Variants in RAPH1 observed in about 807,000 individuals in gnomAD.
RAPH1 encodes ras-associated and pleckstrin homology domains-containing protein 1.
Under a neutral mutation model 88.1 loss-of-function variants are expected in RAPH1, and 18 were observed. That is an observed-to-expected ratio of 0.20 (90% CI 0.14 to 0.30). The LOEUF (loss-of-function observed/expected upper bound fraction) is 0.30. RAPH1 is among the 10% of genes least tolerant of loss of function. The probability of loss-of-function intolerance (pLI) is 1.00; values close to 1 mark genes in which losing one functional copy is unlikely to be tolerated. For missense variants in RAPH1, 1,448 were observed against 1,543.2 expected (o/e 0.94, Z 1.03); for synonymous variants, 587 against 559.0 (o/e 1.05, Z -0.71).
intron 1 of RAPH1, among the ~76,000 whole-genome samples, chr2:203,520,621 C>A (rs1291218837): frequency 1.3e-5 from 2 of 150,626 alleles, no homozygotes; most frequent in African/African-American, 4.9e-5. Context: ...GAGTGAAGCT[C>A]TGTCTCAAAA....
intron 4 of RAPH1, among the ~76,000 whole-genome samples, chr2:203,483,996 C>T (rs190549133): frequency 4.6e-5 from 7 of 152,254 alleles, no homozygotes; most frequent in Admixed American, 1.3e-4. Flanking sequence ...CTCCAGCTTG[C>T]AGACAGCCTG....
Position 203,440,818 on chromosome 2 carries a change from G to A in RAPH1, c.2372C>T (p.Thr791Ile). The A allele has an allele frequency of 6.3e-7, 1 of 1,599,716 alleles. No individual in the cohort carries two copies. Among genetic ancestry groups the A allele is most frequent in the Non-Finnish European group, 8.5e-7 (1 of 1,173,914 alleles). ...PLVTIPAPTSTKTVAPVVTQA... is the reference protein window; with the variant it reads ...PLVTIPAPTSIKTVAPVVTQA... ...AGTCACAACAGGTGCCACAGTCTTG[G>A]TGCTGGTTGGTGCGGGGATGGTCAC... is the stretch of plus-strand genomic sequence containing the variant. Residue 791 changes from threonine to isoleucine, a missense_variant, in exon 14 of 14, where the codon ACC becomes ATC. Transcript: ENST00000319170.
rs1306310789 is a variant in RAPH1 at position 203,506,806 on chromosome 2, C to CTATATCTA, written c.1-11461_1-11454dup. ...TAGATATATATATCTATATATATAT[C>CTATATCTA]TATATCTATATATCTATATATATAT... On this transcript the variant is annotated intron_variant, in intron 1 of 13. Coordinates refer to ENST00000319170, the MANE Select transcript of RAPH1 (RefSeq NM_213589.3). Among the ~76,000 whole-genome samples the CTATATCTA allele has an allele frequency of 8.8e-5, 8 of 90,542 alleles. No homozygotes were observed. In the East Asian group the frequency reaches 1.5e-3, roughly 17 times the overall value. 59.4% of individuals were successfully genotyped at this position (90,542 alleles called of 152,430 possible).
intron 4 of RAPH1, among the ~76,000 whole-genome samples, chr2:203,477,969 T>C (rs148645269): frequency 7.5e-4 from 114 of 152,216 alleles, no homozygotes; most frequent in Middle Eastern, 3.4e-3. Context: ...ATTTCTTCCC[T>C]AAAGCCTTCA....
Position 203,438,427 on chromosome 2 carries a change from ATACCAAT to A in RAPH1, c.*1003_*1009del. The A allele has an allele frequency of 3.1e-6, 1 of 326,110 alleles. No individual in the cohort carries two copies. Among genetic ancestry groups the A allele is most frequent in the South Asian group, 2.5e-5 (1 of 39,770 alleles). The allele number at this position is 326,110 out of a possible 1,614,324, so 20.2% of individuals were successfully genotyped here. A position where few individuals can be genotyped will look rare whatever the true frequency, so the allele number is the denominator to read the frequency against. On this transcript the variant is annotated 3_prime_UTR_variant, in exon 14 of 14. Coordinates refer to ENST00000319170, the MANE Select transcript of RAPH1 (RefSeq NM_213589.3). ...GGGGCACAGGATGTGTATATTTCAT[ATACCAAT>A]TGTCTACAGATATGTAATAACACCT...
rs2098502315 is a variant in RAPH1 at position 203,440,295 on chromosome 2, G to A, written c.2895C>T (p.Ser965=). ...TTGGGGGTGGTTTCTTTCCCCCAGG[G>A]CTGGACGTCTTACTGGTCTTTTTGC... is the stretch of plus-strand genomic sequence containing the variant. ...SPGKKTSKTS[S]PGGKKPPPTP... is the part of the protein sequence containing the mutation. Residue 965 remains serine, a synonymous_variant, in exon 14 of 14, where the codon AGC becomes AGT. Coordinates refer to ENST00000319170, the MANE Select transcript of RAPH1 (RefSeq NM_213589.3). The A allele has an allele frequency of 6.2e-7, 1 of 1,613,728 alleles. No individual in the cohort carries two copies. Among genetic ancestry groups the A allele is most frequent in the Non-Finnish European group, 8.5e-7 (1 of 1,179,936 alleles).
chr2:203,439,225 A>C lies in RAPH1; in HGVS notation c.*212T>G, dbSNP rs539991269. 5.2e-5 allele frequency: 27 copies of C among 524,062 alleles called. No individual in the cohort carries two copies. The highest frequency in any genetic ancestry group is 4.9e-4 in the Middle Eastern group (1 of 2,024). The allele number at this position is 524,062 out of a possible 1,614,324, so 32.5% of individuals were successfully genotyped here. ...TAGAATAACTCTCAGCTCTCTCTCT[A>C]TATACACATACACATACATATATGT... On this transcript the variant is annotated 3_prime_UTR_variant, in exon 14 of 14. Coordinates refer to ENST00000319170, the MANE Select transcript of RAPH1 (RefSeq NM_213589.3).
intron 1 of RAPH1, among the ~76,000 whole-genome samples, chr2:203,534,636 C>A (rs1442834002): frequency 1.3e-5 from 2 of 150,892 alleles, no homozygotes; most frequent in African/African-American, 4.9e-5. Flanking sequence ...AAAGAAGACA[C>A]AGAAGGAGCC....
At chr2:203,491,412 A>G (rs111634957) in intron 2 of RAPH1, 93 bp from the exon 3 acceptor site, 1 of 754,196 alleles carries the variant, frequency 1.3e-6, no homozygotes, top group Non-Finnish European at 2.1e-6. Flanking sequence ...GTGAACTGCC[A>G]CACTATAATT....
intron 1 of RAPH1, among the ~76,000 whole-genome samples, chr2:203,498,950 GT>G (rs1688626344): frequency 6.7e-6 from 1 of 150,018 alleles, no homozygotes; most frequent in South Asian, 2.1e-4. Flanking sequence ...TGTCTATAGT[GT>G]TCAGTACAGT....
At chr2:203,443,478 A>G (rs1315490969) in intron 13 of RAPH1, 2 of 152,150 alleles carry the variant, frequency 1.3e-5, no homozygotes, top group Non-Finnish European at 2.9e-5. Context: ...TTTCCTAATT[A>G]TAGTCTTGCA....
At chr2:203,479,635 G>A (rs964803431) in intron 4 of RAPH1, among the ~76,000 whole-genome samples, 2 of 150,816 alleles carry the variant, frequency 1.3e-5, no homozygotes, top group South Asian at 2.1e-4. Flanking sequence ...TAAATCTGAA[G>A]TATTCAACAA....
chr2:203,448,741 T>C lies in RAPH1; in HGVS notation c.1509A>G (p.Ala503=). The C allele has an allele frequency of 6.3e-7, 1 of 1,589,146 alleles. No homozygotes were observed. Among genetic ancestry groups the C allele is most frequent in the Non-Finnish European group, 8.6e-7 (1 of 1,164,750 alleles). ...ATCAAATCAAAAGGAGACATGCCTT[T>C]GCAATGCGGATCCCATTGACCCACT... ...LHQWVNGIRI[A]KYGKQLYMNY... is the part of the protein sequence containing the mutation. Residue 503 remains alanine, a synonymous_variant, in exon 11 of 14, where the codon GCA becomes GCG. Coordinates refer to ENST00000319170, the MANE Select transcript of RAPH1 (RefSeq NM_213589.3). The surrounding 1 kb of genome is among the most constrained non-coding windows in gnomAD (Gnocchi z 4.1).
intron 1 of RAPH1, among the ~76,000 whole-genome samples, chr2:203,530,846 T>C (rs1320442992): frequency 1.3e-5 from 2 of 151,610 alleles, no homozygotes; most frequent in Non-Finnish European, 2.9e-5. Flanking sequence ...GAGCTGAGAT[T>C]GTGCCATTGC....
rs144624102 is a variant in RAPH1 at position 203,511,249 on chromosome 2, A to G, written c.1-15896T>C. On this transcript the variant is annotated intron_variant, in intron 1 of 13. Coordinates refer to ENST00000319170, the MANE Select transcript of RAPH1 (RefSeq NM_213589.3). ...AGTATTTCTAATTTAAGATGACTCA[A>G]AGCTAAAGGTACATTTCTTTAAAAA... Among the ~76,000 whole-genome samples, 73 of 152,046 alleles carry G rather than the reference A, an allele frequency of 4.8e-4. 1 individual carries two copies. The highest frequency in any genetic ancestry group is 1.7e-3 in the African/African-American group (70 of 41,386).
Position 203,441,273 on chromosome 2 carries a change from T to TGGTGGAGGAGGA in RAPH1, c.1905_1916dup (p.Pro645_Pro648dup), listed in dbSNP as rs774491370. The TGGTGGAGGAGGA allele has an allele frequency of 5.5e-5, 8 of 145,720 alleles. No individual in the cohort carries two copies. The highest frequency in any genetic ancestry group is 8.6e-5 in the Non-Finnish European group (8 of 93,308). 9.0% of individuals were successfully genotyped at this position (145,720 alleles called of 1,614,324 possible). On this transcript the variant is annotated inframe_insertion, in exon 14 of 14. Coordinates refer to ENST00000319170, the MANE Select transcript of RAPH1 (RefSeq NM_213589.3). ...GGGGAGGAGGGGGTGGTGGAGGGGG[T>TGGTGGAGGAGGA]GGTGGAGGAGGAGGTGGGGGTGGCG...
At chr2:203,465,797 G>C (rs1429943483) in intron 4 of RAPH1, among the ~76,000 whole-genome samples, 4 of 152,144 alleles carry the variant, frequency 2.6e-5, no homozygotes, top group Admixed American at 6.5e-5. Context: ...AGAATTGCTT[G>C]AAACCAGAAA....
At chr2:203,516,253 A>G (rs929537389) in intron 1 of RAPH1, among the ~76,000 whole-genome samples, 2 of 152,234 alleles carry the variant, frequency 1.3e-5, no homozygotes, top group African/African-American at 2.4e-5. Context: ...AAAAAGTAAG[A>G]GAAATACAAC....
intron 4 of RAPH1, among the ~76,000 whole-genome samples, chr2:203,465,408 A>G (rs1054596884): frequency 2.0e-4 from 30 of 152,358 alleles, no homozygotes; most frequent in African/African-American, 7.2e-4. Context: ...TTTAGTGTAC[A>G]ATTCTAACTA....
Sources: allele counts gnomAD v4.1 joint callset (sites outside exome capture counted in the v4.1 genomes callset), GRCh38; gene constraint gnomAD v4.1.1; non-coding constraint Gnocchi (gnomAD v3.1); transcripts MANE v1.5; gene names NCBI Gene and HGNC (gene_info 2026-07-23, HGNC 2026-07-21).